The following WASHC2C variants were observed in gnomAD, a reference collection of about 807,000 sequenced individuals.
The protein encoded by WASHC2C is WASH complex subunit 2C.
A neutral mutation model predicts 142.2 loss-of-function variants in WASHC2C; 73 were observed. That is an observed-to-expected ratio of 0.51 (90% CI 0.43 to 0.62). The LOEUF is 0.62. Ranked by LOEUF, WASHC2C falls within the 20% of genes least tolerant of loss-of-function variation. The pLI is 0.00. For synonymous variants in WASHC2C, 337 were observed against 565.5 expected, an observed-to-expected ratio of 0.60 and a Z score of 5.73; for missense variants, 969 against 1,531.7, an observed-to-expected ratio of 0.63 and a Z score of 6.13.
At chr10:45,729,841 A>G (rs184315303) in intron 3 of WASHC2C, among the ~76,000 whole-genome samples, 218 of 151,882 alleles carry the variant, frequency 1.4e-3, no homozygotes, top group African/African-American at 4.8e-3. Context: ...AAAATTATTA[A>G]AAAAGCCCAA....
Position 45,727,266 on chromosome 10 carries a change from G to T in WASHC2C, c.-52G>T. ...TGGGGCTAGGCTTCCGGGGCTCTGCGGTCCTCGGCCTGTGCTGGCAGCCTC... is the reference window on the plus strand; with the variant it reads ...TGGGGCTAGGCTTCCGGGGCTCTGCTGTCCTCGGCCTGTGCTGGCAGCCTC... On this transcript the variant is annotated 5_prime_UTR_variant, in exon 1 of 31. Transcript: ENST00000623400. The T allele has an allele frequency of 1.3e-6, 2 of 1,523,922 alleles. No individual in the cohort carries two copies. The highest frequency in any genetic ancestry group is 1.2e-5 in the South Asian group (1 of 82,628). 94.4% of individuals were successfully genotyped at this position (1,523,922 alleles called of 1,614,324 possible).
intron 23 of WASHC2C, among the ~76,000 whole-genome samples, chr10:45,780,754 CTTTTTTT>C (rs1195938940): frequency 1.6e-5 from 2 of 128,812 alleles, no homozygotes; most frequent in African/African-American, 5.7e-5. Flanking sequence ...TAGTAACTTT[CTTTTTTT>C]TTTTTTTTTG....
intron 28 of WASHC2C, among the ~76,000 whole-genome samples, 154 bp from the exon 29 acceptor site, chr10:45,788,717 A>G (rs1386018091): frequency 6.6e-6 from 1 of 152,228 alleles, no homozygotes; most frequent in Non-Finnish European, 1.5e-5. Flanking sequence ...CTTGGAAATC[A>G]TTAAGAAATA....
chr10:45,765,690 T>C lies in WASHC2C; in HGVS notation c.1749T>C (p.Phe583=), dbSNP rs1439188678. ...FDDEDEEDNL[F]GGTAAKKQTL... ...ATTTGCTTTTCTAGGATAATCTTTT[T>C]GGGGGTACAGCTGCTAAGAAGCAGA... Residue 583 remains phenylalanine, a synonymous_variant, in exon 19 of 31, where the codon TTT becomes TTC. Transcript: ENST00000623400. 3.1e-6 allele frequency: 5 copies of C among 1,611,808 alleles called. No individual in the cohort carries two copies. The East Asian group carries it at 1.1e-4, about 36-fold the overall frequency.
At position 45,771,613 on chromosome 10, in the gene WASHC2C, T is replaced by A; in HGVS notation, c.2040-1643T>A. The stretch of plus-strand genomic sequence containing the variant: ...CCTGGTTCCAGCCACACACCATACC[T>A]GGCTTTCAGGAATGCTTTCTCTGCT... On this transcript the variant is annotated intron_variant, in intron 20 of 30. Transcript: ENST00000623400. The A allele has an allele frequency of 5.2e-6, 5 of 963,808 alleles. No homozygotes were observed. The East Asian group carries it at 4.6e-4, about 89-fold the overall frequency. 59.7% of individuals were successfully genotyped at this position (963,808 alleles called of 1,614,324 possible). A position where few individuals can be genotyped will look rare whatever the true frequency, so the allele number is the denominator to read the frequency against.
chr10:45,750,770 C>T lies in WASHC2C; in HGVS notation c.863C>T (p.Ser288Leu), dbSNP rs1554873968. ...CTGTAGAAAAGAAGCAGACCTACATCGTTTGCAGATGAGCTGGCTGCCCGC... is the reference window on the plus strand; with the variant it reads ...CTGTAGAAAAGAAGCAGACCTACATTGTTTGCAGATGAGCTGGCTGCCCGC... ...NTRPKRSRPT[S>L]FADELAARIK... Residue 288 changes from serine to leucine, a missense_variant, in exon 10 of 31, where the codon TCG becomes TTG. Transcript: ENST00000623400. The T allele has an allele frequency of 1.3e-6, 2 of 1,548,582 alleles. No homozygotes were observed. The highest frequency in any genetic ancestry group is 1.7e-6 in the Non-Finnish European group (2 of 1,147,082).
intron 5 of WASHC2C, among the ~76,000 whole-genome samples, chr10:45,741,459 C>T (rs2610465): frequency 0.046 from 6,658 of 143,406 alleles, 164 homozygotes; most frequent in African/African-American, 0.076. Context: ...GCACTTTCTC[C>T]CTTTTTTTTT....
chr10:45,730,682 C>G (rs1459122156), intron 3 of WASHC2C, among the ~76,000 whole-genome samples: 1 of 150,616 alleles, frequency 6.6e-6, no homozygotes, highest in Non-Finnish European at 1.5e-5. Flanking sequence ...TGCAGTGGTG[C>G]GATCTCCGCT....
intron 23 of WASHC2C, 66 bp downstream of exon 23, chr10:45,779,201 C>T: frequency 6.5e-7 from 1 of 1,544,626 alleles, no homozygotes; most frequent in Non-Finnish European, 8.8e-7. Flanking sequence ...TCATGGTTGT[C>T]ATTCTGTCAT....
intron 8 of WASHC2C, among the ~76,000 whole-genome samples, chr10:45,749,836 A>AATATATATATAT (rs1554873239): frequency 9.8e-6 from 1 of 101,780 alleles, no homozygotes; most frequent in Non-Finnish European, 1.8e-5. Flanking sequence ...AAAAAAAAAA[A>AATATATATATAT]ATATATATAT....
chr10:45,790,670 C>T, intron 30 of WASHC2C, 137 bp downstream of exon 30: 1 of 744,880 alleles, frequency 1.3e-6, no homozygotes, highest in Non-Finnish European at 2.4e-6. Context: ...CTGAGTTAGG[C>T]TGAAGATAGG....
Position 45,744,831 on chromosome 10 carries a change from A to C in WASHC2C, c.633A>C (p.Val211=). 1.7e-6 allele frequency: 1 copy of C among 592,798 alleles called. No homozygotes were observed. Among genetic ancestry groups the C allele is most frequent in the Non-Finnish European group, 2.9e-6 (1 of 341,766 alleles). 36.7% of individuals were successfully genotyped at this position (592,798 alleles called of 1,614,324 possible). The part of the protein sequence containing the change: ...LGELSSEEGS[V]GSDRGSIVDT... ...CTCTCTTCTCAACAGAAGGCTCTGT[A>C]GGCAGTGATCGTGGCAGTATTGTGG... is the stretch of plus-strand genomic sequence containing the variant. Residue 211 remains valine, a synonymous_variant, in exon 7 of 31, where the codon GTA becomes GTC. Transcript: ENST00000623400.
chr10:45,785,003 G>A, intron 25 of WASHC2C, 102 bp downstream of exon 25: 1 of 1,607,830 alleles, frequency 6.2e-7, no homozygotes, highest in South Asian at 1.1e-5. Flanking sequence ...GGAGAGTCGT[G>A]CTGCTTCCTG....
intron 6 of WASHC2C, among the ~76,000 whole-genome samples, chr10:45,744,074 T>A (rs1383288247): frequency 6.6e-6 from 1 of 151,948 alleles, no homozygotes; most frequent in South Asian, 2.1e-4. Context: ...TCTTTCTTTT[T>A]TGAGCCGGAG....
At chr10:45,738,262 A>G (rs1165811284) in intron 4 of WASHC2C, among the ~76,000 whole-genome samples, 2 of 151,914 alleles carry the variant, frequency 1.3e-5, no homozygotes, top group Non-Finnish European at 2.9e-5. Flanking sequence ...ATAAGAATAG[A>G]GTAGAAGTCA....
chr10:45,732,245 C>T (rs2050697149), intron 3 of WASHC2C, among the ~76,000 whole-genome samples: 1 of 152,154 alleles, frequency 6.6e-6, no homozygotes. Flanking sequence ...TAATTAGCCT[C>T]AGGGGCAGCC....
At chr10:45,776,281 T>C (rs1484114511) in intron 21 of WASHC2C, among the ~76,000 whole-genome samples, 2 of 152,278 alleles carry the variant, frequency 1.3e-5, no homozygotes, top group Non-Finnish European at 2.9e-5. Flanking sequence ...CCTCGTGTCA[T>C]ATGGTATGAT....
intron 14 of WASHC2C, 115 bp downstream of exon 14, chr10:45,754,660 G>A: frequency 9.5e-7 from 1 of 1,050,208 alleles, no homozygotes; most frequent in Non-Finnish European, 1.4e-6. Flanking sequence ...GAGCTTCAAA[G>A]GGCTTTGAGC....
intron 4 of WASHC2C, among the ~76,000 whole-genome samples, chr10:45,739,609 T>A (rs1337717800): frequency 8.4e-5 from 12 of 142,528 alleles, no homozygotes; most frequent in African/African-American, 2.2e-4. Flanking sequence ...ATTGTCCAGT[T>A]TTTTTTTTTT....
Sources: allele counts gnomAD v4.1 joint callset (sites outside exome capture counted in the v4.1 genomes callset), GRCh38; gene constraint gnomAD v4.1.1; transcripts MANE v1.5; gene names NCBI Gene and HGNC (gene_info 2026-07-23, HGNC 2026-07-21).